DEPDC5: variants seen among roughly 807,000 people sequenced by gnomAD.
The protein encoded by DEPDC5 is GATOR1 complex protein DEPDC5.
DEPDC5 carries 73 observed loss-of-function variants against 217.3 expected under a neutral mutation model. The observed-to-expected ratio is 0.34, with a 90% CI of 0.28 to 0.41. The LOEUF (loss-of-function observed/expected upper bound fraction) is 0.41. Among genes scored for constraint, DEPDC5 ranks in the 10% least tolerant of loss-of-function variants. The probability of loss-of-function intolerance (pLI) is 1.00; values close to 1 mark genes in which losing one functional copy is unlikely to be tolerated. For synonymous variants in DEPDC5, 733 were observed against 756.7 expected, an observed-to-expected ratio of 0.97 and a Z score of 0.51; for missense variants, 1,675 against 2,070.1, an observed-to-expected ratio of 0.81 and a Z score of 3.70.
At position 31,861,497 on chromosome 22, in the gene DEPDC5, G is replaced by A. The variant is rs1040200159; in HGVS notation, c.3330+64G>A. On this transcript the variant is annotated intron_variant, in intron 33 of 42. Coordinates refer to ENST00000651528, the MANE Select transcript of DEPDC5 (RefSeq NM_001242896.3). Reference sequence around the variant, plus strand: ...GGCAGACGCCATGAGCTGGCCTTCTGTTAGGCTCTGAACACATGGAATTGG... The same window carrying A: ...GGCAGACGCCATGAGCTGGCCTTCTATTAGGCTCTGAACACATGGAATTGG... The A allele has an allele frequency of 1.2e-5, 18 of 1,521,540 alleles. No individual in the cohort carries two copies. In the East Asian group the frequency reaches 2.5e-4, roughly 21 times the overall value. 94.3% of individuals were successfully genotyped at this position (1,521,540 alleles called of 1,614,324 possible).
intron 26 of DEPDC5, chr22:31,837,453 C>G (rs777735778): frequency 3.1e-4 from 132 of 423,070 alleles, no homozygotes; most frequent in Non-Finnish European, 4.9e-4. Context: ...TGAGTACAAA[C>G]AGTCTTTCCA....
chr22:31,791,999 A>G, intron 10 of DEPDC5, 34 bp from the exon 11 acceptor site: 1 of 1,489,508 alleles, frequency 6.7e-7, no homozygotes, highest in Non-Finnish European at 9.3e-7. Context: ...AAATGAAACA[A>G]ACTTCAACCC....
At chr22:31,864,958 T>C (rs1874792289) in intron 33 of DEPDC5, among the ~76,000 whole-genome samples, 1 of 141,632 alleles carries the variant, frequency 7.1e-6, no homozygotes, top group Non-Finnish European at 1.5e-5. Context: ...CCCAAAGTGC[T>C]GGGATTACAG....
chr22:31,872,923 T>C (rs1344154545), intron 34 of DEPDC5, among the ~76,000 whole-genome samples: 2 of 151,784 alleles, frequency 1.3e-5, no homozygotes, highest in Admixed American at 6.6e-5. Context: ...CCTGGCTAAT[T>C]TTTGTATTTT....
chr22:31,863,181 G>A (rs922751382), intron 33 of DEPDC5, among the ~76,000 whole-genome samples: 2 of 151,698 alleles, frequency 1.3e-5, no homozygotes, highest in African/African-American at 4.8e-5. Flanking sequence ...TTGTTTTTGT[G>A]TTGAGACAGA....
intron 12 of DEPDC5, among the ~76,000 whole-genome samples, 161 bp from the exon 13 acceptor site, chr22:31,797,439 A>T (rs2086370172): frequency 6.6e-6 from 1 of 152,082 alleles, no homozygotes; most frequent in South Asian, 2.1e-4. Context: ...TCACTATCAC[A>T]AGAACAGCAT....
chr22:31,784,911 A>G, intron 10 of DEPDC5, 36 bp downstream of exon 10: 1 of 1,572,174 alleles, frequency 6.4e-7, no homozygotes, highest in Non-Finnish European at 8.7e-7. Context: ...CTCATTATGT[A>G]AACATTACTC....
chr22:31,906,908 G>C lies in DEPDC5; in HGVS notation c.*411G>C. On this transcript the variant is annotated 3_prime_UTR_variant, in exon 43 of 43. Coordinates refer to ENST00000651528, the MANE Select transcript of DEPDC5 (RefSeq NM_001242896.3). The surrounding 1 kb of genome is among the most constrained non-coding windows in gnomAD (Gnocchi z 5.1). ...GCAGAATCTGCCACTTCTTGCCCAG[G>C]AGTGTGCACAGATGTAAGATAATTT... 3.3e-6 allele frequency: 1 copy of C among 299,928 alleles called. No homozygotes were observed. The highest frequency in any genetic ancestry group is 6.3e-6 in the Non-Finnish European group (1 of 157,896). 18.6% of individuals were successfully genotyped at this position (299,928 alleles called of 1,614,324 possible).
intron 31 of DEPDC5, among the ~76,000 whole-genome samples, chr22:31,850,181 G>A (rs1235862147): frequency 6.6e-6 from 1 of 151,956 alleles, no homozygotes; most frequent in Non-Finnish European, 1.5e-5. Flanking sequence ...TAAAAATCTG[G>A]ATTGTATAGA....
intron 14 of DEPDC5, among the ~76,000 whole-genome samples, chr22:31,802,383 G>A (rs1350240120): frequency 6.6e-6 from 1 of 152,032 alleles, no homozygotes; most frequent in Admixed American, 6.6e-5. Context: ...GCCTGCTTTG[G>A]CCTCCCAAAG....
At chr22:31,754,836 C>T (rs1308170838) in intron 1 of DEPDC5, 26 bp from the exon 2 acceptor site, 2 of 1,507,460 alleles carry the variant, frequency 1.3e-6, no homozygotes, top group East Asian at 2.3e-5. Flanking sequence ...GACATTCCAA[C>T]CTTTTCGTTT....
At chr22:31,787,853 C>A (rs1212105572) in intron 10 of DEPDC5, among the ~76,000 whole-genome samples, 9 of 151,268 alleles carry the variant, frequency 5.9e-5, no homozygotes, top group Admixed American at 4.0e-4. Context: ...AGAAGACAAC[C>A]CACAGAATGG....
intron 5 of DEPDC5, among the ~76,000 whole-genome samples, chr22:31,765,436 T>C (rs555852065): frequency 6.6e-6 from 1 of 152,136 alleles, no homozygotes; most frequent in Admixed American, 6.6e-5. Context: ...ATTACAGGCC[T>C]GCACCACCGC....
Position 31,879,571 on chromosome 22 carries a change from C to T in DEPDC5, c.3852C>T (p.Asp1284=), listed in dbSNP as rs773340826. ...PATTWHTAGV[D]DFASFQRKWF... ...CCACCTGGCACACAGCAGGAGTGGA[C>T]GACTTCGCCAGCTTCCAGCGCAAGT... The change falls in exon 38 of 43, where the codon GAC becomes GAT. Residue 1284 remains aspartate, a synonymous_variant. Transcript: ENST00000651528. The T allele has an allele frequency of 1.1e-5, 18 of 1,612,872 alleles. No individual in the cohort carries two copies. Among genetic ancestry groups the T allele is most frequent in the Middle Eastern group, 3.3e-4 (2 of 6,084 alleles).
In DEPDC5 at chr22:31,907,348, C is replaced by G. The variant is rs9609381; in HGVS notation, c.*851C>G. The G allele has an allele frequency of 1.3e-5, 2 of 152,052 alleles. No homozygotes were observed. The highest frequency in any genetic ancestry group is 2.9e-5 in the Non-Finnish European group (2 of 68,010). The allele number at this position is 152,052 out of a possible 1,614,324, so 9.4% of individuals were successfully genotyped here. A position where few individuals can be genotyped will look rare whatever the true frequency, so the allele number is the denominator to read the frequency against. ...GCATTCTGAAAAAAATCAAAGGAAA[C>G]ATTTTGTAGACTCTAACTTAGGTTT... On this transcript the variant is annotated 3_prime_UTR_variant, in exon 43 of 43. Coordinates refer to ENST00000651528, the MANE Select transcript of DEPDC5 (RefSeq NM_001242896.3).
At position 31,761,989 on chromosome 22, in the gene DEPDC5, A is replaced by G. The variant is rs1052058545; in HGVS notation, c.193+1287A>G. On this transcript the variant is annotated intron_variant, in intron 4 of 42. Transcript: ENST00000651528. ...GCTCAAAAAAAAAAAAAAAAAAAAA[A>G]TACACAACCTGCCTGTTGCCCAGGT... Among the ~76,000 whole-genome samples the G allele has an allele frequency of 7.4e-4, 110 of 149,152 alleles. 1 individual carries two copies. Among genetic ancestry groups the G allele is most frequent in the Non-Finnish European group, 1.2e-3 (84 of 67,672 alleles).
intron 18 of DEPDC5, among the ~76,000 whole-genome samples, chr22:31,808,295 C>G (rs2087803375): frequency 6.7e-6 from 1 of 148,726 alleles, no homozygotes; most frequent in African/African-American, 2.5e-5. Context: ...GTCTCTCTCT[C>G]TGTGGCCCAG....
chr22:31,805,371 C>G (rs1160317791), intron 17 of DEPDC5, among the ~76,000 whole-genome samples: 1 of 152,106 alleles, frequency 6.6e-6, no homozygotes, highest in Non-Finnish European at 1.5e-5. Context: ...CTGAAAATGC[C>G]TATTTTCTTC....
intron 33 of DEPDC5, among the ~76,000 whole-genome samples, chr22:31,868,748 C>G (rs2092757109): frequency 6.6e-6 from 1 of 152,190 alleles, no homozygotes; most frequent in Non-Finnish European, 1.5e-5. Context: ...TTTTAGAAAG[C>G]AATTTTTGCT....
Sources: allele counts gnomAD v4.1 joint callset (sites outside exome capture counted in the v4.1 genomes callset), GRCh38; gene constraint gnomAD v4.1.1; non-coding constraint Gnocchi (gnomAD v3.1); transcripts MANE v1.5; gene names NCBI Gene and HGNC (gene_info 2026-07-23, HGNC 2026-07-21).